DOCK6: variants seen among roughly 807,000 people sequenced by gnomAD.
The protein encoded by DOCK6 is dedicator of cytokinesis protein 6.
A neutral mutation model predicts 230.3 loss-of-function variants in DOCK6; 167 were observed. The ratio of observed to expected loss-of-function variants is 0.73; its 90% CI spans 0.64 to 0.82. The LOEUF (loss-of-function observed/expected upper bound fraction) is 0.82. Among genes scored for constraint, DOCK6 ranks in the 40% least tolerant of loss-of-function variants. The probability of loss-of-function intolerance (pLI) is 0.00; values close to 1 mark genes in which losing one functional copy is unlikely to be tolerated. For synonymous variants in DOCK6, 1,148 were observed against 1,185.0 expected, an observed-to-expected ratio of 0.97 and a Z score of 0.64; for missense variants, 2,598 against 2,825.8, an observed-to-expected ratio of 0.92 and a Z score of 1.83.
chr19:11,205,505 G>T (rs1410295090), intron 39 of DOCK6, among the ~76,000 whole-genome samples: 1 of 151,892 alleles, frequency 6.6e-6, no homozygotes, highest in East Asian at 1.9e-4. Context: ...ACCACGCCCA[G>T]CTACTTTTTT....
At chr19:11,258,969 G>A (rs115475344) in intron 1 of DOCK6, among the ~76,000 whole-genome samples, 2,765 of 151,754 alleles carry the variant, frequency 0.018, 84 homozygotes, top group African/African-American at 0.062. Flanking sequence ...CTACAGACCC[G>A]AACTCCTGAC....
rs529364954 is a variant in DOCK6, at chr19:11,250,589, C to T, written c.720+285G>A. 2.1e-3 allele frequency among the ~76,000 whole-genome samples: 316 copies of T among 152,174 alleles called. 1 individual carries two copies. Among genetic ancestry groups the T allele is most frequent in the Admixed American group, 3.4e-3 (52 of 15,286 alleles). ...CCTCCCAAAGTGCTGGGATTACGGG[C>T]ATGAGCCACCATGCCCGGCCTAGAA... On this transcript the variant is annotated intron_variant, in intron 6 of 47. Transcript: ENST00000294618.
At chr19:11,228,498 G>T (rs115716512) in intron 23 of DOCK6, among the ~76,000 whole-genome samples, 5,216 of 144,492 alleles carry the variant, frequency 0.036, 295 homozygotes, top group African/African-American at 0.13. Context: ...CCTAGGTTGT[G>T]GGGGGGGGTC....
Position 11,200,559 on chromosome 19 carries a change from G to C in DOCK6, c.5940-90C>G, listed in dbSNP as rs2079152188. 8.4e-6 allele frequency: 13 copies of C among 1,543,248 alleles called. No homozygotes were observed. Among genetic ancestry groups the C allele is most frequent in the South Asian group, 1.2e-5 (1 of 84,432 alleles). On this transcript the variant is annotated intron_variant, in intron 46 of 47. Transcript: ENST00000294618. The surrounding 1 kb of genome is among the most constrained non-coding windows in gnomAD (Gnocchi z 4.3). ...TGGGGGCACCCATAAGGCGGGACCA[G>C]GCCTGCAGAAAGACCCGCAATAGGA...
Position 11,215,425 on chromosome 19 carries a change from G to A in DOCK6, c.4068C>T (p.Ser1356=), listed in dbSNP as rs370567682. 1.3e-4 allele frequency: 203 copies of A among 1,613,574 alleles called. No individual in the cohort carries two copies. The highest frequency in any genetic ancestry group is 1.7e-4 in the African/African-American group (13 of 74,890). The stretch of plus-strand genomic sequence containing the variant: ...CTGAGGTTTGCTTCCAGTGTGTGAC[G>A]CTCTTCCGCCAGCGCACATTCTCCG... ...GNPENVRWRK[S]VTHWKQTSDR... is the part of the protein sequence containing the mutation. The change falls in exon 32 of 48, where the codon AGC becomes AGT. Residue 1356 remains serine, a synonymous_variant. Coordinates refer to ENST00000294618, the MANE Select transcript of DOCK6 (RefSeq NM_020812.4).
Position 11,213,168 on chromosome 19 carries a change from C to T in DOCK6, c.4491+8G>A. The T allele has an allele frequency of 6.2e-7, 1 of 1,609,962 alleles. No homozygotes were observed. Among genetic ancestry groups the T allele is most frequent in the Admixed American group, 1.7e-5 (1 of 59,946 alleles). ...ATGTGTGGACCATGCCTCCTAGCCC[C>T]CACTCACGTGGCCGATCTCGAAGTT... On this transcript the variant is annotated splice_region_variant and intron_variant, in intron 35 of 47. Coordinates refer to ENST00000294618, the MANE Select transcript of DOCK6 (RefSeq NM_020812.4).
At chr19:11,235,447 C>T (rs1361996227) in intron 21 of DOCK6, 151 bp downstream of exon 21, 2 of 771,466 alleles carry the variant, frequency 2.6e-6, no homozygotes, top group Admixed American at 6.1e-5. Context: ...GACAGGGTTT[C>T]ATCATGTTGG....
chr19:11,218,296 G>A (rs10404897), intron 28 of DOCK6, among the ~76,000 whole-genome samples: 12,628 of 152,000 alleles, frequency 0.083, 626 homozygotes, highest in African/African-American at 0.12. Flanking sequence ...ACAGGTGCGC[G>A]CCACCGTGCA....
rs1803995255 is a variant in DOCK6 at position 11,208,740 on chromosome 19, G to A, written c.5034C>T (p.Phe1678=). ...GCAACCCTACCAGCCCCAGCTCAGT[G>A]AAGTGCTTCCCGGAGCAGAAGCCCT... The part of the protein sequence containing the change: ...DEEGFCSGKH[F]TELGLVGLLE... Residue 1678 remains phenylalanine, a synonymous_variant, in exon 39 of 48, where the codon TTC becomes TTT. Coordinates refer to ENST00000294618, the MANE Select transcript of DOCK6 (RefSeq NM_020812.4). 4 of 1,613,730 alleles carry A rather than the reference G, an allele frequency of 2.5e-6. No homozygotes were observed. The highest frequency in any genetic ancestry group is 3.4e-6 in the Non-Finnish European group (4 of 1,179,736).
In DOCK6 at chr19:11,262,501, G is replaced by C. The variant is rs868256205; in HGVS notation, c.-61C>G. 1,218 of 1,016,566 alleles carry C rather than the reference G, an allele frequency of 1.2e-3. 10 individuals are homozygous for C. The African/African-American group carries it at 0.02, about 17-fold the overall frequency. The allele number at this position is 1,016,566 out of a possible 1,614,324, so 63.0% of individuals were successfully genotyped here. A position where few individuals can be genotyped will look rare whatever the true frequency, so the allele number is the denominator to read the frequency against. ...GGCCCCGCCGCCGCCGCCGCCTCCC[G>C]GTTCTGGGCAGCCGGGGCGGGGCGG... On this transcript the variant is annotated 5_prime_UTR_variant, in exon 1 of 48. Coordinates refer to ENST00000294618, the MANE Select transcript of DOCK6 (RefSeq NM_020812.4).
At chr19:11,213,091 C>T (rs2079419215) in intron 35 of DOCK6, 85 bp downstream of exon 35, 11 of 1,510,506 alleles carry the variant, frequency 7.3e-6, no homozygotes, top group Non-Finnish European at 1.8e-6. Context: ...CTGTCTCCCC[C>T]TCCCTCACTC....
chr19:11,247,953 C>T, intron 7 of DOCK6, 113 bp downstream of exon 7: 1 of 899,478 alleles, frequency 1.1e-6, no homozygotes. Flanking sequence ...TAGGTGGCCA[C>T]ATAGGTGACA....
intron 23 of DOCK6, 136 bp downstream of exon 23, chr19:11,228,804 C>T (rs1409439020): frequency 2.6e-5 from 19 of 722,202 alleles, no homozygotes; most frequent in Admixed American, 7.6e-5. Context: ...CCTCGTGATC[C>T]GCCCGCCTCG....
chr19:11,236,302 C>T lies in DOCK6; in HGVS notation c.2392+44G>A. On this transcript the variant is annotated intron_variant, in intron 20 of 47. Coordinates refer to ENST00000294618, the MANE Select transcript of DOCK6 (RefSeq NM_020812.4). This position sits in a 1 kb window ranked among gnomAD's most constrained non-coding sequence, Gnocchi z 5.2. ...CCCTCAGGACCTCAGGACTGAGAAG[C>T]CATGTGGATGGGGAAACTGAGGTCT... 6.7e-7 allele frequency: 1 copy of T among 1,500,318 alleles called. No individual in the cohort carries two copies. Among genetic ancestry groups the T allele is most frequent in the South Asian group, 1.3e-5 (1 of 79,918 alleles). 92.9% of individuals were successfully genotyped at this position (1,500,318 alleles called of 1,614,324 possible).
At chr19:11,258,654 A>C (rs1311817070) in intron 1 of DOCK6, among the ~76,000 whole-genome samples, 1 of 151,910 alleles carries the variant, frequency 6.6e-6, no homozygotes, top group Non-Finnish European at 1.5e-5. Context: ...GCTGGCCTCG[A>C]ACTCCTGACC....
intron 6 of DOCK6, among the ~76,000 whole-genome samples, chr19:11,249,482 G>C (rs2080084087): frequency 6.6e-6 from 1 of 151,884 alleles, no homozygotes; most frequent in African/African-American, 2.4e-5. Context: ...CTGCACTCCA[G>C]CCTGGGTGAC....
In DOCK6 at chr19:11,236,471, T is replaced by A. The variant is rs1339143250; in HGVS notation, c.2267A>T (p.Glu756Val). The change falls in exon 20 of 48, where the codon GAG becomes GTG. Residue 756 changes from glutamate (E) to valine (V), a missense_variant. Physicochemically the swap from Glu to Val is moderately radical, Grantham distance 121. Transcript: ENST00000294618. This position sits in a 1 kb window ranked among gnomAD's most constrained non-coding sequence, Gnocchi z 5.2. ...CAGTGCTGCAAGACTGGCCCGCAGC[T>A]CCTGCTCCACGTTGCCCTCGCTCAG... is the stretch of plus-strand genomic sequence containing the variant. ...TVLSEGNVEQ[E>V]LRASLAALRL... is the part of the protein sequence containing the mutation. 6.3e-7 allele frequency: 1 copy of A among 1,597,108 alleles called. No homozygotes were observed. The highest frequency in any genetic ancestry group is 1.7e-4 in the Middle Eastern group (1 of 6,030).
chr19:11,252,354 T>C, intron 4 of DOCK6, 106 bp from the exon 5 acceptor site: 3 of 1,579,302 alleles, frequency 1.9e-6, no homozygotes, highest in Non-Finnish European at 2.6e-6. Context: ...ACCGTCCTTG[T>C]GCTCCACCAG....
At position 11,200,229 on chromosome 19, in the gene DOCK6, A is replaced by C. The variant is rs377548969; in HGVS notation, c.6101+79T>G. ...ACATGTTGCTGTGTATGTGTACAAC[A>C]GCCCCCATCCTGTACCTGTCCTGGT... On this transcript the variant is annotated intron_variant, in intron 47 of 47. Transcript: ENST00000294618. The surrounding 1 kb of genome is among the most constrained non-coding windows in gnomAD (Gnocchi z 4.3). 178 of 1,429,328 alleles carry C rather than the reference A, an allele frequency of 1.2e-4. 1 individual carries two copies. In the Middle Eastern group the frequency reaches 1.8e-3, roughly 14 times the overall value. 88.5% of individuals were successfully genotyped at this position (1,429,328 alleles called of 1,614,324 possible).
Sources: allele counts gnomAD v4.1 joint callset (sites outside exome capture counted in the v4.1 genomes callset), GRCh38; gene constraint gnomAD v4.1.1; non-coding constraint Gnocchi (gnomAD v3.1); transcripts MANE v1.5; gene names NCBI Gene and HGNC (gene_info 2026-07-23, HGNC 2026-07-21).